DNAJC10: variants seen among roughly 807,000 people sequenced by gnomAD.
DNAJC10 encodes DnaJ heat shock protein family (Hsp40) member C10.
In DNAJC10, 101 loss-of-function variants were observed where a neutral mutation model predicts 115.0. The ratio of observed to expected loss-of-function variants is 0.88; its 90% CI spans 0.75 to 1.04. The LOEUF (loss-of-function observed/expected upper bound fraction) is 1.04, where lower values mean the gene tolerates loss of function less well. Among genes scored for constraint, DNAJC10 ranks in the 50% least tolerant of loss-of-function variants. DNAJC10 has a pLI of 0.00. For synonymous variants in DNAJC10, 307 were observed against 301.5 expected, an observed-to-expected ratio of 1.02 and a Z score of -0.19; for missense variants, 981 against 928.8, an observed-to-expected ratio of 1.06 and a Z score of -0.73.
At chr2:182,723,700 A>G (rs1238323384) in intron 5 of DNAJC10, among the ~76,000 whole-genome samples, 1 of 152,192 alleles carries the variant, frequency 6.6e-6, no homozygotes, top group Non-Finnish European at 1.5e-5. Flanking sequence ...AGAGGAACTG[A>G]ACAAAACTTG....
intron 18 of DNAJC10, 33 bp downstream of exon 18, chr2:182,756,502 C>G: frequency 6.4e-7 from 1 of 1,571,354 alleles, no homozygotes; most frequent in Non-Finnish European, 8.6e-7. Flanking sequence ...TAAATCTTAA[C>G]ATTTACTAAG....
At position 182,720,209 on chromosome 2, in the gene DNAJC10, T is replaced by C. The variant is rs548440427; in HGVS notation, c.367+40T>C. The C allele has an allele frequency of 1.0e-4, 157 of 1,516,320 alleles. 1 individual carries two copies. The South Asian group carries it at 1.6e-3, about 16-fold the overall frequency. The allele number at this position is 1,516,320 out of a possible 1,614,324, so 93.9% of individuals were successfully genotyped here. On this transcript the variant is annotated intron_variant, in intron 4 of 23. Coordinates refer to ENST00000264065, the MANE Select transcript of DNAJC10 (RefSeq NM_018981.4). ...TATTACTTATGAAATGTGTTTTATC[T>C]GAGTAAAAGAAAAGTGAATTCTGTT...
chr2:182,779,178 A>T lies in DNAJC10; in HGVS notation c.*2046A>T, dbSNP rs288241. ...AGGGCCCCCTGGGAGTCATGTTAAG[A>T]AACACGTATCATAAAGTGACATACA... On this transcript the variant is annotated 3_prime_UTR_variant, in exon 24 of 24. Transcript: ENST00000264065. 97,822 of 152,080 alleles carry T rather than the reference A, an allele frequency of 0.64. 31,812 individuals carry two copies. The highest frequency in any genetic ancestry group is 0.73 in the Middle Eastern group (215 of 294). The allele number at this position is 152,080 out of a possible 1,614,324, so 9.4% of individuals were successfully genotyped here.
chr2:182,759,766 A>G (rs923023247), intron 21 of DNAJC10, among the ~76,000 whole-genome samples: 34 of 152,100 alleles, frequency 2.2e-4, no homozygotes, highest in Admixed American at 1.3e-4. Context: ...TTCCCTTGAT[A>G]TACTCAGGGG....
chr2:182,737,574 A>G (rs1361923286), intron 11 of DNAJC10, among the ~76,000 whole-genome samples: 3 of 152,134 alleles, frequency 2.0e-5, no homozygotes, highest in Non-Finnish European at 2.9e-5. Context: ...CTCCAGATGT[A>G]TTATACACAT....
At chr2:182,757,363 T>C (rs1199686369) in intron 18 of DNAJC10, among the ~76,000 whole-genome samples, 2 of 152,222 alleles carry the variant, frequency 1.3e-5, no homozygotes, top group African/African-American at 2.4e-5. Context: ...CTTGTTTTCA[T>C]TGGAAAGAAT....
At position 182,728,968 on chromosome 2, in the gene DNAJC10, A is replaced by C. The variant is rs1220139255; in HGVS notation, c.607A>C (p.Ser203Arg). 6.2e-7 allele frequency: 1 copy of C among 1,614,076 alleles called. No homozygotes were observed. Among genetic ancestry groups the C allele is most frequent in the Admixed American group, 1.7e-5 (1 of 60,022 alleles). Residue 203 changes from serine to arginine, a missense_variant, in exon 7 of 24, where the codon AGC becomes CGC. By Grantham distance (110) the Ser-to-Arg change is moderately radical. Coordinates refer to ENST00000264065, the MANE Select transcript of DNAJC10 (RefSeq NM_018981.4). Reference protein sequence around the residue: ...CRMKGVNSYPSLFIFRSGMAP... With the variant: ...CRMKGVNSYPRLFIFRSGMAP... The stretch of plus-strand genomic sequence containing the variant: ...AATGAAAGGAGTCAACAGCTATCCC[A>C]GCCTCTTCATTTTTCGGTCTGGAAT...
chr2:182,737,902 T>C (rs896054452), intron 11 of DNAJC10, among the ~76,000 whole-genome samples: 1 of 152,216 alleles, frequency 6.6e-6, no homozygotes, highest in Non-Finnish European at 1.5e-5. Flanking sequence ...AAAATGTGTT[T>C]ATACACATCA....
At chr2:182,747,903 C>T (rs1219191909) in intron 14 of DNAJC10, among the ~76,000 whole-genome samples, 2 of 151,768 alleles carry the variant, frequency 1.3e-5, no homozygotes, top group Non-Finnish European at 2.9e-5. Context: ...AGATATGTCC[C>T]ATCAATACCT....
Position 182,743,383 on chromosome 2 carries a change from G to A in DNAJC10, c.1192-215G>A, listed in dbSNP as rs1437104589. Among the ~76,000 whole-genome samples the A allele has an allele frequency of 4.0e-5, 6 of 151,646 alleles. No individual in the cohort carries two copies. In the East Asian group the frequency reaches 1.2e-3, roughly 29 times the overall value. On this transcript the variant is annotated intron_variant, in intron 13 of 23. Coordinates refer to ENST00000264065, the MANE Select transcript of DNAJC10 (RefSeq NM_018981.4). ...TCATATTTTCTTGGGAATTCCTCAG[G>A]TTTTTTTTAACTCTCTAGGAAGCAT... is the stretch of plus-strand genomic sequence containing the variant.
intron 15 of DNAJC10, 120 bp downstream of exon 15, chr2:182,751,905 C>T: frequency 7.6e-7 from 1 of 1,324,470 alleles, no homozygotes; most frequent in South Asian, 1.4e-5. Flanking sequence ...CCATTATGGC[C>T]ACTAATGCAT....
At chr2:182,722,158 T>C in intron 5 of DNAJC10, 83 bp downstream of exon 5, 2 of 994,158 alleles carry the variant, frequency 2.0e-6, no homozygotes, top group Non-Finnish European at 3.0e-6. Flanking sequence ...ATGTTTGAAA[T>C]TTAGAAATCT....
At chr2:182,755,436 C>CTTT (rs76238413) in intron 17 of DNAJC10, among the ~76,000 whole-genome samples, 2 of 134,828 alleles carry the variant, frequency 1.5e-5, no homozygotes, top group Non-Finnish European at 3.2e-5. Flanking sequence ...TCTACAGCAT[C>CTTT]TTTTTTTTTT....
chr2:182,751,242 C>G (rs919441036), intron 14 of DNAJC10, among the ~76,000 whole-genome samples: 1 of 139,440 alleles, frequency 7.2e-6, no homozygotes, highest in Admixed American at 8.0e-5. Flanking sequence ...TCAAGCAGTT[C>G]TCCTGCCTCA....
At position 182,728,918 on chromosome 2, in the gene DNAJC10, G is replaced by A; in HGVS notation, c.557G>A (p.Cys186Tyr). ...DGLLRIGAVN[C>Y]GDDRMLCRMK... ...TTACTTCGAATTGGAGCTGTTAACTGTGGTGATGATAGAATGCTTTGCCGA... is the reference window on the plus strand; with the variant it reads ...TTACTTCGAATTGGAGCTGTTAACTATGGTGATGATAGAATGCTTTGCCGA... Residue 186 changes from cysteine to tyrosine, a missense_variant, in exon 7 of 24, where the codon TGT becomes TAT. Cys to Tyr is a radical substitution (Grantham distance 194). Transcript: ENST00000264065. 6.2e-7 allele frequency: 1 copy of A among 1,614,018 alleles called. No individual in the cohort carries two copies. The highest frequency in any genetic ancestry group is 8.5e-7 in the Non-Finnish European group (1 of 1,179,928).
At chr2:182,716,831 C>G (rs1362688146) in intron 1 of DNAJC10, among the ~76,000 whole-genome samples, 185 bp from the exon 2 acceptor site, 1 of 152,192 alleles carries the variant, frequency 6.6e-6, no homozygotes, top group East Asian at 1.9e-4. Context: ...TTGCATTTAC[C>G]TGGCGCTTCC....
chr2:182,752,635 C>T (rs2105670033), intron 16 of DNAJC10: 2 of 835,112 alleles, frequency 2.4e-6, no homozygotes, highest in South Asian at 1.1e-4. Context: ...TAAATATTCA[C>T]TCCTCAGTTG....
At chr2:182,773,535 C>CT (rs1694622745) in intron 22 of DNAJC10, among the ~76,000 whole-genome samples, 1 of 152,222 alleles carries the variant, frequency 6.6e-6, no homozygotes, top group African/African-American at 2.4e-5. Context: ...TCTTTTTACT[C>CT]TTTTTTTCTC....
intron 14 of DNAJC10, among the ~76,000 whole-genome samples, chr2:182,745,372 G>A (rs766514552): frequency 6.6e-5 from 10 of 152,158 alleles, no homozygotes; most frequent in Non-Finnish European, 1.2e-4. Flanking sequence ...GCCTTCACAC[G>A]ATTTTTCCTC....
Sources: gnomAD v4.1 joint callset for allele counts (sites outside exome capture counted in the v4.1 genomes callset) on GRCh38, gnomAD v4.1.1 for gene constraint, MANE v1.5 for transcripts, NCBI Gene and HGNC (gene_info 2026-07-23, HGNC 2026-07-21) for gene names.